Variants in MTMR14 observed in about 807,000 individuals in gnomAD.
MTMR14 encodes the protein myotubularin related protein 14.
In MTMR14, 48 loss-of-function variants were observed where a neutral mutation model predicts 86.3. The ratio of observed to expected loss-of-function variants is 0.56; its 90% CI spans 0.44 to 0.71. MTMR14 has a LOEUF of 0.71. Among genes scored for constraint, MTMR14 ranks in the 30% least tolerant of loss-of-function variants. MTMR14 has a pLI of 0.00. For missense variants in MTMR14, 780 were observed against 834.6 expected (o/e 0.93, Z 0.81); for synonymous variants, 366 against 326.1 (o/e 1.12, Z -1.32).
intron 3 of MTMR14, among the ~76,000 whole-genome samples, chr3:9,668,460 A>C (rs1376839554): frequency 6.6e-6 from 1 of 152,218 alleles, no homozygotes; most frequent in African/African-American, 2.4e-5. Context: ...TACACATGCA[A>C]CAACCACCCA....
intron 2 of MTMR14, among the ~76,000 whole-genome samples, chr3:9,658,189 T>A (rs1165222803): frequency 2.0e-5 from 3 of 152,196 alleles, no homozygotes; most frequent in Non-Finnish European, 4.4e-5. Context: ...TGGGAAGAAA[T>A]AGCATTTTTT....
Position 9,701,536 on chromosome 3 carries a change from AAAG to A in MTMR14, c.1770-253_1770-251del, listed in dbSNP as rs2125445372. On this transcript the variant is annotated intron_variant, in intron 18 of 18. Transcript: ENST00000296003. This position sits in a 1 kb window ranked among gnomAD's most constrained non-coding sequence, Gnocchi z 4.2. ...GACCTTGTCTCAAGAAAAAAAAAAAAAAGGTTAGTGTCCCAGTAAAAGCTCCTG... is the reference window on the plus strand; with the variant it reads ...GACCTTGTCTCAAGAAAAAAAAAAAAGTTAGTGTCCCAGTAAAAGCTCCTG... 3.6e-6 allele frequency: 2 copies of A among 553,960 alleles called. No individual in the cohort carries two copies. Among genetic ancestry groups the A allele is most frequent in the East Asian group, 6.2e-5 (2 of 32,316 alleles). 34.3% of individuals were successfully genotyped at this position (553,960 alleles called of 1,614,324 possible). A position where few individuals can be genotyped will look rare whatever the true frequency, so the allele number is the denominator to read the frequency against.
Position 9,697,865 on chromosome 3 carries a change from CT to C in MTMR14, c.1769del (p.Leu590ArgfsTer5). 6.2e-7 allele frequency: 1 copy of C among 1,614,166 alleles called. No homozygotes were observed. Among genetic ancestry groups the C allele is most frequent in the Non-Finnish European group, 8.5e-7 (1 of 1,180,046 alleles). On this transcript the variant is annotated frameshift_variant and splice_region_variant, in exon 18 of 19. Coordinates refer to ENST00000296003, the MANE Select transcript of MTMR14 (RefSeq NM_001077525.3). LOFTEE classifies it high-confidence loss of function. The stretch of plus-strand genomic sequence containing the variant: ...CCCGGATGAGCTCCCTAACAGTTGT[CT>C]GTAAGTGTCTTGCTTGAGAAGGCAG... ...SFPDELPNSC[L>X]LAALSDRETR...
intron 3 of MTMR14, among the ~76,000 whole-genome samples, chr3:9,664,228 G>T (rs1215429655): frequency 6.7e-6 from 1 of 149,358 alleles, no homozygotes; most frequent in African/African-American, 2.5e-5. Context: ...TGTCAAATAA[G>T]AATTCGAAAT....
At chr3:9,653,550 C>G (rs1333527758) in intron 1 of MTMR14, 71 bp from the exon 2 acceptor site, 1 of 1,600,016 alleles carries the variant, frequency 6.2e-7, no homozygotes, top group Non-Finnish European at 8.6e-7. Flanking sequence ...CCTCTTAGGC[C>G]ATGGACCTCC....
At chr3:9,678,196 C>G (rs1394457190) in intron 9 of MTMR14, 138 bp downstream of exon 9, 1 of 710,754 alleles carries the variant, frequency 1.4e-6, no homozygotes. Flanking sequence ...GGCCCTCTGT[C>G]CTCTCAGAAA....
intron 3 of MTMR14, among the ~76,000 whole-genome samples, chr3:9,666,805 G>A: frequency 6.6e-6 from 1 of 152,276 alleles, no homozygotes; most frequent in East Asian, 1.9e-4. Context: ...TCCTAACTAG[G>A]TAAATGGAGA....
At chr3:9,687,086 A>T (rs1399996045) in intron 13 of MTMR14, among the ~76,000 whole-genome samples, 1 of 152,032 alleles carries the variant, frequency 6.6e-6, no homozygotes, top group African/African-American at 2.4e-5. Flanking sequence ...TTTCCTTTCC[A>T]TTATGTTCCT....
In MTMR14 at chr3:9,689,881, C is replaced by T. The variant is rs2076083895; in HGVS notation, c.1434-83C>T. The T allele has an allele frequency of 2.2e-6, 3 of 1,372,046 alleles. No individual in the cohort carries two copies. In the Admixed American group the frequency reaches 6.0e-5, roughly 28 times the overall value. The allele number at this position is 1,372,046 out of a possible 1,614,324, so 85.0% of individuals were successfully genotyped here. A position where few individuals can be genotyped will look rare whatever the true frequency, so the allele number is the denominator to read the frequency against. The stretch of plus-strand genomic sequence containing the variant: ...GATGTTTTCCCAGTGGAAGTAAAGC[C>T]TAGGCCTGAAATTCAGTGAGGGTGG... On this transcript the variant is annotated intron_variant, in intron 16 of 18. Transcript: ENST00000296003.
chr3:9,672,631 G>C, intron 6 of MTMR14, 54 bp from the exon 7 acceptor site: 3 of 1,407,074 alleles, frequency 2.1e-6, no homozygotes, highest in Non-Finnish European at 3.0e-6. Flanking sequence ...GGGGAATGGT[G>C]TGTGTTTGTG....
chr3:9,662,115 A>G, intron 2 of MTMR14, 152 bp from the exon 3 acceptor site: 1 of 675,248 alleles, frequency 1.5e-6, no homozygotes, highest in South Asian at 1.6e-5. Flanking sequence ...AGACAGACAG[A>G]TGATAGATGA....
chr3:9,683,315 C>T (rs2075831481), intron 10 of MTMR14, 71 bp downstream of exon 10: 1 of 1,441,222 alleles, frequency 6.9e-7, no homozygotes. Context: ...TCTGCCTCAA[C>T]TGTATGTTTG....
At chr3:9,681,472 C>T (rs1012755492) in intron 9 of MTMR14, among the ~76,000 whole-genome samples, 1 of 152,180 alleles carries the variant, frequency 6.6e-6, no homozygotes, top group African/African-American at 2.4e-5. Context: ...TAACCATCAC[C>T]TACATTACAG....
intron 17 of MTMR14, among the ~76,000 whole-genome samples, chr3:9,696,528 TCA>T (rs2076286560): frequency 6.6e-6 from 1 of 152,170 alleles, no homozygotes. Context: ...AAACCTCTTC[TCA>T]CACTGTCTAG....
intron 13 of MTMR14, among the ~76,000 whole-genome samples, chr3:9,686,068 C>T (rs899547916): frequency 1.3e-5 from 2 of 152,172 alleles, no homozygotes; most frequent in African/African-American, 4.8e-5. Context: ...CTTTCTCACC[C>T]TCATGGGGCT....
chr3:9,663,488 A>G (rs1360665093), intron 3 of MTMR14, among the ~76,000 whole-genome samples: 3 of 116,388 alleles, frequency 2.6e-5, no homozygotes, highest in Non-Finnish European at 5.6e-5. Flanking sequence ...TTTTTTTGAG[A>G]TGGAGTCTCT....
In MTMR14 at chr3:9,677,348, G is replaced by T. The variant is rs538523097; in HGVS notation, c.783G>T (p.Arg261=). 5.0e-6 allele frequency: 8 copies of T among 1,614,034 alleles called. No homozygotes were observed. The African/African-American group carries it at 6.7e-5, about 13-fold the overall frequency. The change falls in exon 8 of 19, where the codon CGG becomes CGT. Residue 261 remains arginine, a synonymous_variant. Transcript: ENST00000296003. The surrounding 1 kb of genome is among the most constrained non-coding windows in gnomAD (Gnocchi z 4.2). ...AATTTTTCAAGGAATATAAAGATCGGGATTACATGGCAGAAGGGCTCATAT... is the reference window on the plus strand; with the variant it reads ...AATTTTTCAAGGAATATAAAGATCGTGATTACATGGCAGAAGGGCTCATAT... The part of the protein sequence containing the change: ...GCEFFKEYKD[R]DYMAEGLIFN...
Position 9,677,443 on chromosome 3 carries a change from AAGG to A in MTMR14, c.822+59_822+61del. On this transcript the variant is annotated intron_variant, in intron 8 of 18. Coordinates refer to ENST00000296003, the MANE Select transcript of MTMR14 (RefSeq NM_001077525.3). This position sits in a 1 kb window ranked among gnomAD's most constrained non-coding sequence, Gnocchi z 4.2. ...CTATGTCTCTTTGTAAAGGGAGGCCAAGGAGAACAACAAGCAGTCTTTGGGGAA... is the reference window on the plus strand; with the variant it reads ...CTATGTCTCTTTGTAAAGGGAGGCCAAGAACAACAAGCAGTCTTTGGGGAA... The A allele has an allele frequency of 1.3e-6, 2 of 1,481,740 alleles. No individual in the cohort carries two copies. The highest frequency in any genetic ancestry group is 1.9e-6 in the Non-Finnish European group (2 of 1,059,508). The allele number at this position is 1,481,740 out of a possible 1,614,324, so 91.8% of individuals were successfully genotyped here.
chr3:9,653,916 C>A, intron 2 of MTMR14, 147 bp downstream of exon 2: 1 of 1,121,056 alleles, frequency 8.9e-7, no homozygotes, highest in Non-Finnish European at 1.3e-6. Flanking sequence ...CAAGGTTGGA[C>A]AAGTCAGACT....
Sources: gnomAD v4.1 joint callset for allele counts (sites outside exome capture counted in the v4.1 genomes callset) on GRCh38, gnomAD v4.1.1 for gene constraint, Gnocchi (gnomAD v3.1) non-coding constraint, MANE v1.5 for transcripts, NCBI Gene and HGNC (gene_info 2026-07-23, HGNC 2026-07-21) for gene names.